Variants in PRKD2 observed in about 807,000 individuals in gnomAD.
PRKD2 encodes the protein serine/threonine-protein kinase D2.
Under a neutral mutation model 86.0 loss-of-function variants are expected in PRKD2, and 22 were observed. The ratio of observed to expected loss-of-function variants is 0.26; its 90% CI spans 0.18 to 0.37. The LOEUF (loss-of-function observed/expected upper bound fraction) is 0.37, where lower values mean the gene tolerates loss of function less well. Among genes scored for constraint, PRKD2 ranks in the 10% least tolerant of loss-of-function variants. The pLI is 1.00. For missense variants in PRKD2, 818 were observed against 1,199.2 expected (o/e 0.68, Z 4.70); for synonymous variants, 509 against 510.9 (o/e 1.00, Z 0.05).
At chr19:46,697,609 A>AGCCCACTACTGGCCCC in intron 8 of PRKD2, 124 bp downstream of exon 8, 1 of 835,144 alleles carries the variant, frequency 1.2e-6, no homozygotes, top group East Asian at 2.6e-5. Context: ...AGCACGGCCC[A>AGCCCACTACTGGCCCC]GCCCACTACT....
chr19:46,707,069 G>T (rs1254044838), intron 3 of PRKD2, among the ~76,000 whole-genome samples: 2 of 151,752 alleles, frequency 1.3e-5, no homozygotes, highest in Admixed American at 6.6e-5. Flanking sequence ...AATTTTTCTA[G>T]TTTTAGTAGA....
rs1024711637 is a variant in PRKD2, at chr19:46,694,477, C to T, written c.1318-344G>A. Among the ~76,000 whole-genome samples, 3 of 152,068 alleles carry T rather than the reference C, an allele frequency of 2.0e-5. No individual in the cohort carries two copies. The East Asian group carries it at 5.8e-4, about 29-fold the overall frequency. On this transcript the variant is annotated intron_variant, in intron 9 of 17. Transcript: ENST00000291281. ...AGGCGTGGTGGTGTGCGCCTGTAAT[C>T]CCAGCTAATCGGGAGGCTGAGGCAG...
chr19:46,696,119 G>C (rs1346216181), intron 9 of PRKD2, among the ~76,000 whole-genome samples: 29 of 152,208 alleles, frequency 1.9e-4, no homozygotes, highest in Non-Finnish European at 4.4e-5. Flanking sequence ...GATTACAGGC[G>C]TGAGCCACCA....
chr19:46,680,946 A>ATATATATATATATATATATATATATT, intron 15 of PRKD2, among the ~76,000 whole-genome samples: 25 of 48,208 alleles, frequency 5.2e-4, no homozygotes, highest in South Asian at 3.2e-3. Context: ...ATATATATAT[A>ATATATATATATATATATATATATATT]TTTTTTTTTT....
intron 9 of PRKD2, among the ~76,000 whole-genome samples, chr19:46,695,910 C>G (rs1370771075): frequency 6.6e-6 from 1 of 152,142 alleles, no homozygotes; most frequent in African/African-American, 2.4e-5. Context: ...GCGATCTCAG[C>G]TCACTGCAAC....
intron 8 of PRKD2, 146 bp downstream of exon 8, chr19:46,697,587 A>G: frequency 1.4e-6 from 1 of 699,386 alleles, no homozygotes; most frequent in Non-Finnish European, 2.4e-6. Context: ...TTCTAATTCT[A>G]GCCCCGCCTC....
At chr19:46,710,801 G>C in intron 3 of PRKD2, 106 bp downstream of exon 3, 5 of 1,255,402 alleles carry the variant, frequency 4.0e-6, no homozygotes, top group Non-Finnish European at 4.3e-6. Context: ...CCCCAGCTCT[G>C]AGACCCGCTC....
chr19:46,691,973 A>G lies in PRKD2; in HGVS notation c.1589T>C (p.Leu530Pro), dbSNP rs1381798248. 3.1e-6 allele frequency: 5 copies of G among 1,613,926 alleles called. No individual in the cohort carries two copies. Among genetic ancestry groups the G allele is most frequent in the Admixed American group, 3.3e-5 (2 of 59,988 alleles). The change falls in exon 11 of 18, where the codon CTG (leucine) becomes CCG (proline). Residue 530 changes from leucine (L) to proline (P), a missense_variant. Around this residue, in one of 5 missense-constraint regions of PRKD2, gnomAD observed 154 missense variants for 359.6 expected, o/e 0.43. Coordinates refer to ENST00000291281, the MANE Select transcript of PRKD2 (RefSeq NM_016457.5). ...CTGACTGTTGGACACAGAGATGCTC[A>G]GAGAAGCTTGTCCTAGGGAGAGGGG... ...PGHAPHRQAS[L>P]SISVSNSQIQ...
At chr19:46,695,061 G>A (rs1219144748) in intron 9 of PRKD2, among the ~76,000 whole-genome samples, 2 of 152,158 alleles carry the variant, frequency 1.3e-5, no homozygotes, top group Admixed American at 1.3e-4. Flanking sequence ...AAACTAGCCA[G>A]GTGTGGTGGT....
chr19:46,679,615 A>C (rs997840853), intron 15 of PRKD2, among the ~76,000 whole-genome samples: 1 of 151,780 alleles, frequency 6.6e-6, no homozygotes, highest in Non-Finnish European at 1.5e-5. Context: ...GTGTATGCCT[A>C]CCTTTCCTTC....
chr19:46,677,926 A>G (rs548346877), intron 16 of PRKD2, among the ~76,000 whole-genome samples: 1 of 152,284 alleles, frequency 6.6e-6, no homozygotes, highest in Non-Finnish European at 1.5e-5. Flanking sequence ...ACAGCAAAGT[A>G]GCCATGCCCT....
At chr19:46,681,586 C>A in intron 15 of PRKD2, 64 bp downstream of exon 15, 3 of 568,720 alleles carry the variant, frequency 5.3e-6, no homozygotes, top group Non-Finnish European at 9.1e-6. Context: ...ATCCCCTTCC[C>A]CACCCCCACC....
intron 3 of PRKD2, 176 bp downstream of exon 3, chr19:46,710,731 C>T: frequency 1.3e-6 from 1 of 785,082 alleles, no homozygotes; most frequent in Non-Finnish European, 1.9e-6. Flanking sequence ...CCCACCACTC[C>T]TTCCCCAAGC....
chr19:46,675,113 C>A lies in PRKD2; in HGVS notation c.2344G>T (p.Asp782Tyr). Residue 782 changes from aspartate to tyrosine, a missense_variant, in exon 17 of 18, where the codon GAC becomes TAC. By Grantham distance (160) the Asp-to-Tyr change is radical (BLOSUM62 -3). Around this residue, in one of 5 missense-constraint regions of PRKD2, gnomAD observed 132 missense variants for 146.2 expected, o/e 0.90. Transcript: ENST00000291281. ...PWSHISAGAI[D>Y]LINNLLQVKM... ...ACCTGCAGCAGGTTGTTGATGAGGT[C>A]AATGGCTGCACAGGAAAGAGAAACA... 6.2e-7 allele frequency: 1 copy of A among 1,609,250 alleles called. No homozygotes were observed. The highest frequency in any genetic ancestry group is 1.1e-5 in the South Asian group (1 of 90,022).
At chr19:46,680,933 TA>T (rs2053289962) in intron 15 of PRKD2, among the ~76,000 whole-genome samples, 1 of 54,968 alleles carries the variant, frequency 1.8e-5, no homozygotes, top group Non-Finnish European at 4.4e-5. Flanking sequence ...ACTATATATA[TA>T]TATATATATA....
chr19:46,710,893 C>T lies in PRKD2; in HGVS notation c.511+14G>A, dbSNP rs771051671. On this transcript the variant is annotated intron_variant, in intron 3 of 17. Transcript: ENST00000291281. ...CCCCGCCCCAGGCCCCGCCCCCAAC[C>T]CTTTAGCTCTCACCATCGCACTTGA... The T allele has an allele frequency of 6.4e-7, 1 of 1,560,262 alleles. No individual in the cohort carries two copies. The highest frequency in any genetic ancestry group is 1.4e-5 in the African/African-American group (1 of 73,804).
In PRKD2 at chr19:46,711,007, G is replaced by T; in HGVS notation, c.411C>A (p.Arg137=). 6.3e-7 allele frequency: 1 copy of T among 1,581,598 alleles called. No homozygotes were observed. The highest frequency in any genetic ancestry group is 2.3e-5 in the East Asian group (1 of 43,272). Residue 137 remains arginine (R), a synonymous_variant, in exon 3 of 18, where the codon CGC becomes CGA. Coordinates refer to ENST00000291281, the MANE Select transcript of PRKD2 (RefSeq NM_016457.5). Reference sequence around the variant, plus strand: ...AGGAGTGCACCGTGAGGGCGTGCGGGCGGATCTGGAAGTCCTCGAAGGTGG... The same window carrying T: ...AGGAGTGCACCGTGAGGGCGTGCGGTCGGATCTGGAAGTCCTCGAAGGTGG... The part of the protein sequence containing the change: ...ASATFEDFQI[R]PHALTVHSYR...
intron 3 of PRKD2, among the ~76,000 whole-genome samples, chr19:46,707,375 GA>G (rs1356479483): frequency 1.3e-5 from 2 of 152,076 alleles, no homozygotes; most frequent in African/African-American, 4.8e-5. Context: ...GGAGGCTGAG[GA>G]GGGTGGATTA....
At position 46,693,527 on chromosome 19, in the gene PRKD2, C is replaced by T. The variant is rs1196464854; in HGVS notation, c.1576+348G>A. On this transcript the variant is annotated intron_variant, in intron 10 of 17. Transcript: ENST00000291281. This position sits in a 1 kb window ranked among gnomAD's most constrained non-coding sequence, Gnocchi z 4.5. Reference sequence around the variant, plus strand: ...AGTGATGCAATCATGACTCACTACTCCCAGGCTCAAGCAATTCTCCTGCCT... The same window carrying T: ...AGTGATGCAATCATGACTCACTACTTCCAGGCTCAAGCAATTCTCCTGCCT... Among the ~76,000 whole-genome samples the T allele has an allele frequency of 1.3e-5, 2 of 152,090 alleles. No homozygotes were observed. The highest frequency in any genetic ancestry group is 4.8e-5 in the African/African-American group (2 of 41,420).
Sources: allele counts gnomAD v4.1 joint callset (sites outside exome capture counted in the v4.1 genomes callset), GRCh38; gene constraint gnomAD v4.1.1; regional missense constraint gnomAD v4.1.1; non-coding constraint Gnocchi (gnomAD v3.1); transcripts MANE v1.5; gene names NCBI Gene and HGNC (gene_info 2026-07-23, HGNC 2026-07-21).